The following PANK3 variants were observed in gnomAD, a reference collection of about 807,000 sequenced individuals.
PANK3 encodes the protein pantothenate kinase 3.
A neutral mutation model predicts 39.4 loss-of-function variants in PANK3; 20 were observed. The ratio of observed to expected loss-of-function variants is 0.51; its 90% CI spans 0.36 to 0.74. The LOEUF is 0.74. Among genes scored for constraint, PANK3 ranks in the 30% least tolerant of loss-of-function variants. PANK3 has a pLI of 0.00. For missense variants in PANK3, 265 were observed against 437.0 expected (o/e 0.61, Z 3.51); for synonymous variants, 140 against 157.3 (o/e 0.89, Z 0.82).
chr5:168,558,789 C>A (rs1481988630), intron 6 of PANK3, among the ~76,000 whole-genome samples: 2 of 152,102 alleles, frequency 1.3e-5, no homozygotes, highest in Non-Finnish European at 2.9e-5. Context: ...CTAGCCTGGG[C>A]AACAAAGAGT....
chr5:168,568,794 C>T lies in PANK3; in HGVS notation c.233G>A (p.Arg78Gln), dbSNP rs376150396. The T allele has an allele frequency of 1.7e-5, 27 of 1,613,806 alleles. No homozygotes were observed. The highest frequency in any genetic ancestry group is 4.0e-5 in the African/African-American group (3 of 74,854). The change falls in exon 2 of 7, where the codon CGA (arginine) becomes CAA (glutamine). Residue 78 changes from arginine to glutamine, a missense_variant. Physicochemically the swap from Arg to Gln is conservative, Grantham distance 43. This residue lies in a region of PANK3 where 154 missense variants were observed against 256.8 expected (regional missense o/e 0.60). Coordinates refer to ENST00000239231, the MANE Select transcript of PANK3 (RefSeq NM_024594.4). The part of the protein sequence containing the change: ...LELKDLTLFG[R>Q]RGNLHFIRFP... ...CCTGATAAAGTGCAAGTTCCCTCTTCGGCCAAAAAGTGTTAAATCTTTCAG... is the reference window on the plus strand; with the variant it reads ...CCTGATAAAGTGCAAGTTCCCTCTTTGGCCAAAAAGTGTTAAATCTTTCAG...
Position 168,567,991 on chromosome 5 carries a change from T to C in PANK3, c.381+655A>G, listed in dbSNP as rs931073011. Reference sequence around the variant, plus strand: ...TAAACAGAGCCATTCTTTATTCTAATAGAAAAGACTAGAAGCTTGGCAAAC... The same window carrying C: ...TAAACAGAGCCATTCTTTATTCTAACAGAAAAGACTAGAAGCTTGGCAAAC... On this transcript the variant is annotated intron_variant, in intron 2 of 6. Coordinates refer to ENST00000239231, the MANE Select transcript of PANK3 (RefSeq NM_024594.4). Among the ~76,000 whole-genome samples the C allele has an allele frequency of 1.3e-4, 20 of 152,316 alleles. 1 individual carries two copies. In the East Asian group the frequency reaches 3.1e-3, roughly 23 times the overall value.
chr5:168,565,194 A>G (rs1297938911), intron 3 of PANK3, among the ~76,000 whole-genome samples: 1 of 152,204 alleles, frequency 6.6e-6, no homozygotes, highest in East Asian at 1.9e-4. Flanking sequence ...TTAAAATTAA[A>G]ATGAGTTTTT....
intron 1 of PANK3, among the ~76,000 whole-genome samples, chr5:168,577,754 C>T (rs1021801119): frequency 2.0e-5 from 3 of 152,194 alleles, no homozygotes; most frequent in Non-Finnish European, 4.4e-5. Context: ...AAATCACTAT[C>T]ATGACAAAAG....
chr5:168,567,009 G>A (rs1206316394), intron 2 of PANK3, among the ~76,000 whole-genome samples: 2 of 152,178 alleles, frequency 1.3e-5, no homozygotes, highest in Admixed American at 6.5e-5. Context: ...TTCCCAAAGT[G>A]CTGGAATTAC....
intron 1 of PANK3, 112 bp downstream of exon 1, chr5:168,579,144 C>T: frequency 1.0e-6 from 1 of 1,001,916 alleles, no homozygotes. Flanking sequence ...CCATACCGGA[C>T]GAAGCGCCGG....
chr5:168,557,444 G>C lies in PANK3; in HGVS notation c.*127C>G, dbSNP rs554594340. On this transcript the variant is annotated 3_prime_UTR_variant, in exon 7 of 7. Transcript: ENST00000239231. The stretch of plus-strand genomic sequence containing the variant: ...TTACCAAGTTCTCTCCTTTAATATG[G>C]CAACATTCAGCAGCTTATGCTACTC... 2 of 770,188 alleles carry C rather than the reference G, an allele frequency of 2.6e-6. No homozygotes were observed. 47.7% of individuals were successfully genotyped at this position (770,188 alleles called of 1,614,324 possible).
chr5:168,571,855 G>C (rs147930779), intron 1 of PANK3, among the ~76,000 whole-genome samples: 7 of 152,116 alleles, frequency 4.6e-5, no homozygotes, highest in African/African-American at 1.7e-4. Context: ...TCAAATTAGA[G>C]ATCTGGAGCT....
At chr5:168,569,838 A>T (rs1582466577) in intron 1 of PANK3, among the ~76,000 whole-genome samples, 1 of 152,122 alleles carries the variant, frequency 6.6e-6, no homozygotes, top group Non-Finnish European at 1.5e-5. Context: ...GATCGCTTGA[A>T]AACAGGAGTT....
rs1335086059 is a variant in PANK3, at chr5:168,552,038, ATCT to A, written c.*5530_*5532del. ...TCTACAAGTCTCTAATTAAAAGGCA[ATCT>A]TCTCGCGGGGTCAGGGTGGTGGTGA... is the stretch of plus-strand genomic sequence containing the variant. On this transcript the variant is annotated 3_prime_UTR_variant, in exon 7 of 7. Coordinates refer to ENST00000239231, the MANE Select transcript of PANK3 (RefSeq NM_024594.4). 2.6e-5 allele frequency: 4 copies of A among 152,268 alleles called. No individual in the cohort carries two copies. The highest frequency in any genetic ancestry group is 5.9e-5 in the Non-Finnish European group (4 of 68,036). The allele number at this position is 152,268 out of a possible 1,614,324, so 9.4% of individuals were successfully genotyped here.
chr5:168,570,395 A>AG, intron 1 of PANK3, among the ~76,000 whole-genome samples: 1 of 151,616 alleles, frequency 6.6e-6, no homozygotes, highest in African/African-American at 2.4e-5. Flanking sequence ...AAAAAAAAAA[A>AG]AAAAGAAAGA....
intron 1 of PANK3, among the ~76,000 whole-genome samples, chr5:168,569,638 C>A (rs911513595): frequency 2.0e-5 from 3 of 152,140 alleles, no homozygotes; most frequent in African/African-American, 7.2e-5. Context: ...TCAGATCATT[C>A]TTTTTTCAAT....
rs767860934 is a variant in PANK3 at position 168,566,183 on chromosome 5, A to G, written c.465T>C (p.Asn155=). ...CAAAATAATAGCACTCGGCTTGTCC[A>G]TTGAAACTGACAGAGTCTATATACA... ...GLLYIDSVSF[N]GQAECYYFAN... The change falls in exon 3 of 7, where the codon AAT becomes AAC. Residue 155 remains asparagine (N), a synonymous_variant. Transcript: ENST00000239231. The G allele has an allele frequency of 2.5e-6, 4 of 1,614,084 alleles. No individual in the cohort carries two copies. The highest frequency in any genetic ancestry group is 2.2e-5 in the East Asian group (1 of 44,846).
chr5:168,568,938 G>C lies in PANK3; in HGVS notation c.89C>G (p.Pro30Arg). The C allele has an allele frequency of 6.2e-7, 1 of 1,605,438 alleles. No individual in the cohort carries two copies. Among genetic ancestry groups the C allele is most frequent in the Non-Finnish European group, 8.5e-7 (1 of 1,178,048 alleles). The change falls in exon 2 of 7, where the codon CCT becomes CGT. Residue 30 changes from proline (P) to arginine (R), a missense_variant. This residue lies in a region of PANK3 where 154 missense variants were observed against 256.8 expected (regional missense o/e 0.60). Transcript: ENST00000239231. ...GTLVKLSYFE[P>R]IDITAEEEQE... ...CTCTTCCTCTGCTGTGATATCAATAGGTTCAAAGTACGAGAGCTTTACTAG... is the reference window on the plus strand; with the variant it reads ...CTCTTCCTCTGCTGTGATATCAATACGTTCAAAGTACGAGAGCTTTACTAG...
At chr5:168,561,327 T>C in intron 5 of PANK3, 66 bp downstream of exon 5, 1 of 1,391,138 alleles carries the variant, frequency 7.2e-7, no homozygotes, top group Non-Finnish European at 9.6e-7. Context: ...GAAGCCCTGC[T>C]AGGTGTATAT....
At position 168,573,416 on chromosome 5, in the gene PANK3, C is replaced by CAAAAAAAAAAAAAAAAA; in HGVS notation, c.29-4435_29-4419dup. Among the ~76,000 whole-genome samples, 109 of 16,952 alleles carry CAAAAAAAAAAAAAAAAA rather than the reference C, an allele frequency of 6.4e-3. 8 individuals carry two copies. The highest frequency in any genetic ancestry group is 7.1e-3 in the Non-Finnish European group (71 of 9,998). 11.1% of individuals were successfully genotyped at this position (16,952 alleles called of 152,430 possible). On this transcript the variant is annotated intron_variant, in intron 1 of 6. Coordinates refer to ENST00000239231, the MANE Select transcript of PANK3 (RefSeq NM_024594.4). ...CACGAGATGCAGAACCTCAGCAAGG[C>CAAAAAAAAAAAAAAAAA]AAAAAAAAAAAAAAAAAAAAAAAAA... is the stretch of plus-strand genomic sequence containing the variant.
intron 1 of PANK3, among the ~76,000 whole-genome samples, chr5:168,575,198 C>T (rs181631318): frequency 3.9e-5 from 6 of 152,254 alleles, no homozygotes; most frequent in Admixed American, 2.6e-4. Context: ...AATAATAGCT[C>T]TTATTCTATG....
intron 1 of PANK3, among the ~76,000 whole-genome samples, chr5:168,570,384 C>CAA (rs35264834): frequency 5.4e-3 from 454 of 84,256 alleles, no homozygotes; most frequent in Middle Eastern, 7.6e-3. Context: ...GACTCCGTCT[C>CAA]AAAAAAAAAA....
In PANK3 at chr5:168,566,192, G is replaced by A; in HGVS notation, c.456C>T (p.Val152=). The A allele has an allele frequency of 1.2e-6, 2 of 1,614,034 alleles. No individual in the cohort carries two copies. The highest frequency in any genetic ancestry group is 2.2e-5 in the South Asian group (2 of 91,084). Residue 152 remains valine, a synonymous_variant, in exon 3 of 7, where the codon GTC becomes GTT. Coordinates refer to ENST00000239231, the MANE Select transcript of PANK3 (RefSeq NM_024594.4). ...AGCACTCGGCTTGTCCATTGAAACT[G>A]ACAGAGTCTATATACAGCAAGCCCT... ...LVKGLLYIDS[V]SFNGQAECYY...
Sources: allele counts gnomAD v4.1 joint callset (sites outside exome capture counted in the v4.1 genomes callset), GRCh38; gene constraint gnomAD v4.1.1; regional missense constraint gnomAD v4.1.1; transcripts MANE v1.5; gene names NCBI Gene and HGNC (gene_info 2026-07-23, HGNC 2026-07-21).